RABGAP1: variants seen among roughly 807,000 people sequenced by gnomAD.
RABGAP1 encodes rab GTPase-activating protein 1.
RABGAP1 carries 23 observed loss-of-function variants against 137.6 expected under a neutral mutation model. The observed-to-expected ratio is 0.17, with a 90% CI of 0.12 to 0.24. The LOEUF is 0.24. RABGAP1 is among the 10% of genes least tolerant of loss of function. The probability of loss-of-function intolerance (pLI) is 1.00; values close to 1 mark genes in which losing one functional copy is unlikely to be tolerated. For synonymous variants in RABGAP1, 451 were observed against 450.7 expected (o/e 1.00, Z -0.01); for missense variants, 906 against 1,275.8 (o/e 0.71, Z 4.42).
chr9:123,079,616 T>G (rs1479924861), intron 19 of RABGAP1, among the ~76,000 whole-genome samples: 1 of 152,158 alleles, frequency 6.6e-6, no homozygotes, highest in Non-Finnish European at 1.5e-5. Context: ...TTAGAGTTTT[T>G]CCTTAAACTC....
intron 21 of RABGAP1, among the ~76,000 whole-genome samples, chr9:123,092,809 A>G (rs1226405542): frequency 6.6e-6 from 1 of 152,218 alleles, no homozygotes; most frequent in African/African-American, 2.4e-5. Flanking sequence ...AACTGAAGCA[A>G]AAAGAGGTTA....
chr9:122,990,302 TGGCTTTTAAAGGGAG>T, intron 6 of RABGAP1, 89 bp downstream of exon 6: 1 of 1,186,610 alleles, frequency 8.4e-7, no homozygotes, highest in Non-Finnish European at 1.1e-6. Flanking sequence ...CATAAAATGA[TGGCTTTTAAAGGGAG>T]GGCTTTTAAA....
At chr9:123,079,430 C>T (rs989268512) in intron 19 of RABGAP1, among the ~76,000 whole-genome samples, 3 of 151,640 alleles carry the variant, frequency 2.0e-5, no homozygotes, top group Non-Finnish European at 4.4e-5. Flanking sequence ...GTAGAGACAG[C>T]GTTTCGCCAT....
rs748498750 is a variant in RABGAP1, at chr9:123,076,778, A to G, written c.2424+16A>G. 10 of 1,550,086 alleles carry G rather than the reference A, an allele frequency of 6.5e-6. No homozygotes were observed. In the East Asian group the frequency reaches 9.4e-5, roughly 15 times the overall value. ...CAACATGAAGGTAAAATAATTTTGC[A>G]TTAGTTAAGATTCTGTTTTTCACTT... On this transcript the variant is annotated intron_variant, in intron 19 of 25. Transcript: ENST00000373647.
chr9:122,998,529 G>T, intron 9 of RABGAP1, 68 bp from the exon 10 acceptor site: 1 of 1,218,158 alleles, frequency 8.2e-7, no homozygotes, highest in Non-Finnish European at 1.1e-6. Context: ...TAGCTTTTAT[G>T]GAATCTTATG....
At chr9:122,937,218 C>T (rs531246148), upstream of RABGAP1, among the ~76,000 whole-genome samples, 2 of 152,282 alleles carry the variant, frequency 1.3e-5, no homozygotes, top group East Asian at 1.9e-4. Context: ...CAAAATAAAT[C>T]AACTCAAACT....
At chr9:123,017,584 A>G (rs1411423105) in intron 12 of RABGAP1, among the ~76,000 whole-genome samples, 3 of 152,228 alleles carry the variant, frequency 2.0e-5, no homozygotes, top group Non-Finnish European at 4.4e-5. Context: ...ACCTGGTTTC[A>G]AATTCTACCT....
chr9:122,962,746 C>A (rs1834915409), intron 2 of RABGAP1, among the ~76,000 whole-genome samples: 1 of 151,880 alleles, frequency 6.6e-6, no homozygotes, highest in Non-Finnish European at 1.5e-5. Flanking sequence ...AATAATAATA[C>A]TAAATGTAAG....
chr9:123,038,208 C>T (rs2032769514), intron 13 of RABGAP1, among the ~76,000 whole-genome samples: 1 of 151,932 alleles, frequency 6.6e-6, no homozygotes, highest in Non-Finnish European at 1.5e-5. Context: ...TGGATATTTG[C>T]GTTTTTTTCA....
chr9:122,965,253 T>A (rs1019623300), intron 2 of RABGAP1, among the ~76,000 whole-genome samples: 2 of 152,156 alleles, frequency 1.3e-5, no homozygotes, highest in Non-Finnish European at 2.9e-5. Flanking sequence ...ATTTCATGAA[T>A]ATGAAATATT....
intron 2 of RABGAP1, among the ~76,000 whole-genome samples, chr9:122,969,281 C>G (rs1175004354): frequency 2.0e-5 from 3 of 152,166 alleles, no homozygotes; most frequent in Non-Finnish European, 4.4e-5. Context: ...GCTATGCTTC[C>G]TGGGTTTATG....
At chr9:123,011,915 A>T (rs996580268) in intron 11 of RABGAP1, among the ~76,000 whole-genome samples, 6 of 152,184 alleles carry the variant, frequency 3.9e-5, no homozygotes. Context: ...AGGCTGCGCC[A>T]TTTGCACTCC....
intron 13 of RABGAP1, among the ~76,000 whole-genome samples, chr9:123,049,557 A>G (rs2033366971): frequency 6.6e-6 from 1 of 152,248 alleles, no homozygotes; most frequent in African/African-American, 2.4e-5. Flanking sequence ...GCTAAAAAAC[A>G]AAATACTCTT....
the RABGAP1 span, among the ~76,000 whole-genome samples, chr9:122,935,734 C>A: frequency 6.6e-6 from 1 of 152,114 alleles, no homozygotes; most frequent in Admixed American, 6.5e-5. Flanking sequence ...TTTATAGTTG[C>A]CAGTGTATTT....
At chr9:123,078,263 A>C (rs1216659075) in intron 19 of RABGAP1, among the ~76,000 whole-genome samples, 1 of 152,208 alleles carries the variant, frequency 6.6e-6, no homozygotes, top group Non-Finnish European at 1.5e-5. Flanking sequence ...AAAAGGAAAT[A>C]GAACTTCTGG....
intron 19 of RABGAP1, among the ~76,000 whole-genome samples, chr9:123,084,431 C>T (rs991847047): frequency 6.6e-6 from 1 of 152,100 alleles, no homozygotes; most frequent in Non-Finnish European, 1.5e-5. Flanking sequence ...ACCCACTCAC[C>T]CAACAACATG....
chr9:123,051,742 C>CTATTTTATTT (rs66629098), intron 13 of RABGAP1, among the ~76,000 whole-genome samples: 176 of 140,200 alleles, frequency 1.3e-3, no homozygotes, highest in Middle Eastern at 3.6e-3. Flanking sequence ...AAGAGAAAAG[C>CTATTTTATTT]TATTTTATTT....
At chr9:122,999,745 A>G (rs374853288) in intron 10 of RABGAP1, among the ~76,000 whole-genome samples, 3 of 150,822 alleles carry the variant, frequency 2.0e-5, no homozygotes, top group South Asian at 2.1e-4. Flanking sequence ...TTTGGGGGAA[A>G]TCTGGCCCAT....
At chr9:123,059,047 TGTGAA>T (rs2033861811) in intron 13 of RABGAP1, among the ~76,000 whole-genome samples, 1 of 152,158 alleles carries the variant, frequency 6.6e-6, no homozygotes, top group Non-Finnish European at 1.5e-5. Flanking sequence ...TCAGTCTACT[TGTGAA>T]GTGGTCAGTA....
Sources: gnomAD v4.1 joint callset for allele counts (sites outside exome capture counted in the v4.1 genomes callset) on GRCh38, gnomAD v4.1.1 for gene constraint, MANE v1.5 for transcripts, NCBI Gene and HGNC (gene_info 2026-07-23, HGNC 2026-07-21) for gene names.